The following DTNBP1 variants were observed in gnomAD, a reference collection of about 807,000 sequenced individuals.
The protein encoded by DTNBP1 is dysbindin.
DTNBP1 carries 35 observed loss-of-function variants against 42.8 expected under a neutral mutation model. The ratio of observed to expected loss-of-function variants is 0.82; its 90% CI spans 0.63 to 1.09. The LOEUF (loss-of-function observed/expected upper bound fraction) is 1.09, where lower values mean the gene tolerates loss of function less well. Ranked by LOEUF, DTNBP1 falls within the 50% of genes least tolerant of loss-of-function variation. DTNBP1 has a pLI of 0.00. For synonymous variants in DTNBP1, 171 were observed against 162.2 expected, an observed-to-expected ratio of 1.05 and a Z score of -0.41; for missense variants, 457 against 424.2, an observed-to-expected ratio of 1.08 and a Z score of -0.68.
At chr6:15,590,154 G>A (rs73371544) in intron 7 of DTNBP1, among the ~76,000 whole-genome samples, 3,668 of 152,212 alleles carry the variant, frequency 0.024, 156 homozygotes, top group African/African-American at 0.083. Context: ...GGTTGTTCTC[G>A]AATGCCTGAC....
chr6:15,558,667 C>G (rs1774662855), intron 7 of DTNBP1, among the ~76,000 whole-genome samples: 1 of 152,134 alleles, frequency 6.6e-6, no homozygotes, highest in Non-Finnish European at 1.5e-5. Flanking sequence ...CTAATGTATT[C>G]ATAAATATTG....
chr6:15,661,307 T>C (rs1002879599), intron 1 of DTNBP1, among the ~76,000 whole-genome samples: 2 of 129,130 alleles, frequency 1.5e-5, no homozygotes, highest in Non-Finnish European at 3.1e-5. Context: ...CGAGCTATAA[T>C]AGCGCCACTG....
At chr6:15,652,691 G>A (rs972391635) in intron 1 of DTNBP1, among the ~76,000 whole-genome samples, 8 of 152,098 alleles carry the variant, frequency 5.3e-5, no homozygotes, top group Admixed American at 1.3e-4. Context: ...ATAGTGGTGC[G>A]ATTGTAGCTT....
At chr6:15,536,861 G>A (rs1405490221) in intron 7 of DTNBP1, among the ~76,000 whole-genome samples, 1 of 152,218 alleles carries the variant, frequency 6.6e-6, no homozygotes, top group East Asian at 1.9e-4. Context: ...CAAGGCCATG[G>A]GAGCCACCCC....
intron 8 of DTNBP1, among the ~76,000 whole-genome samples, chr6:15,527,849 A>G (rs1022373075): frequency 6.6e-6 from 1 of 152,254 alleles, no homozygotes; most frequent in Admixed American, 6.5e-5. Context: ...TTATGCTGAC[A>G]TATCTGACAA....
At chr6:15,643,478 G>C (rs969508609) in intron 3 of DTNBP1, among the ~76,000 whole-genome samples, 1 of 151,846 alleles carries the variant, frequency 6.6e-6, no homozygotes, top group Non-Finnish European at 1.5e-5. Context: ...TGACATCCCC[G>C]AGACAAACAG....
intron 7 of DTNBP1, among the ~76,000 whole-genome samples, chr6:15,556,306 T>G (rs563872992): frequency 6.6e-6 from 1 of 151,978 alleles, no homozygotes; most frequent in Non-Finnish European, 1.5e-5. Context: ...CCCAGCCTCC[T>G]GAGTAGCTGG....
At chr6:15,523,307 A>G in intron 9 of DTNBP1, 88 bp from the exon 10 acceptor site, 1 of 1,555,726 alleles carries the variant, frequency 6.4e-7, no homozygotes, top group Non-Finnish European at 8.8e-7. Flanking sequence ...TGTGCCCGTC[A>G]TGAAAGGGGG....
intron 1 of DTNBP1, among the ~76,000 whole-genome samples, chr6:15,662,389 T>C (rs1761695452): frequency 6.6e-6 from 1 of 152,198 alleles, no homozygotes; most frequent in South Asian, 2.1e-4. Flanking sequence ...GGAGGGTGGC[T>C]GGCCCAGCTC....
chr6:15,565,148 A>G (rs1162085689), intron 7 of DTNBP1, among the ~76,000 whole-genome samples: 2 of 152,230 alleles, frequency 1.3e-5, no homozygotes, highest in Non-Finnish European at 2.9e-5. Context: ...CATCACATCT[A>G]CTACAATGGC....
intron 6 of DTNBP1, among the ~76,000 whole-genome samples, chr6:15,613,354 C>T (rs111400795): frequency 1 from 100,078 of 100,094 alleles, 50,032 homozygotes; most frequent in Middle Eastern, 1. Flanking sequence ...TGACACGGAC[C>T]CCATTTTTTT....
At chr6:15,597,846 T>A (rs1049141890) in intron 6 of DTNBP1, among the ~76,000 whole-genome samples, 3 of 152,228 alleles carry the variant, frequency 2.0e-5, no homozygotes, top group African/African-American at 7.2e-5. Flanking sequence ...TAATAAAATA[T>A]AGATTTTATT....
At chr6:15,542,098 A>C (rs1401389132) in intron 7 of DTNBP1, among the ~76,000 whole-genome samples, 1 of 152,224 alleles carries the variant, frequency 6.6e-6, no homozygotes, top group Admixed American at 6.5e-5. Flanking sequence ...TAAACTTTAA[A>C]AACTAACTTC....
At position 15,524,640 on chromosome 6, in the gene DTNBP1, C is replaced by G. The variant is rs554875524; in HGVS notation, c.697G>C (p.Val233Leu). The G allele has an allele frequency of 2.5e-6, 4 of 1,613,694 alleles. No homozygotes were observed. Among genetic ancestry groups the G allele is most frequent in the South Asian group, 1.1e-5 (1 of 91,086 alleles). ...ATCTGCTCCAGCATGTCCACGTTCA[C>G]TTCCATGGATGACATGCTGCCTATG... is the stretch of plus-strand genomic sequence containing the variant. Reference protein sequence around the residue: ...EPIGSMSSMEVNVDMLEQMDL... With the variant: ...EPIGSMSSMELNVDMLEQMDL... The change falls in exon 9 of 10, where the codon GTG becomes CTG. Residue 233 changes from valine (V) to leucine (L), a missense_variant. Coordinates refer to ENST00000344537, the MANE Select transcript of DTNBP1 (RefSeq NM_032122.5).
intron 6 of DTNBP1, among the ~76,000 whole-genome samples, chr6:15,607,120 C>T (rs1758109581): frequency 6.6e-6 from 1 of 150,916 alleles, no homozygotes; most frequent in Non-Finnish European, 1.5e-5. Flanking sequence ...AAGCAATTCT[C>T]CTGCCTTAGC....
rs747792124 is a variant in DTNBP1 at position 15,524,115 on chromosome 6, C to T, written c.811+411G>A. The T allele has an allele frequency of 1.4e-5, 19 of 1,350,924 alleles. No individual in the cohort carries two copies. The South Asian group carries it at 2.3e-4, about 17-fold the overall frequency. 83.7% of individuals were successfully genotyped at this position (1,350,924 alleles called of 1,614,324 possible). On this transcript the variant is annotated intron_variant, in intron 9 of 9. Transcript: ENST00000344537. ...GAGCTGAACACACACCATGGCTTTG[C>T]CCATGGCAGGCACGCCCCTAAATGC...
chr6:15,555,276 G>C (rs1774446875), intron 7 of DTNBP1, among the ~76,000 whole-genome samples: 1 of 151,582 alleles, frequency 6.6e-6, no homozygotes, highest in Admixed American at 6.6e-5. Flanking sequence ...AGGATGTTAA[G>C]AATCTAAAAT....
chr6:15,594,616 C>T (rs1179966524), intron 6 of DTNBP1, among the ~76,000 whole-genome samples: 6 of 152,104 alleles, frequency 3.9e-5, no homozygotes, highest in Non-Finnish European at 7.4e-5. Context: ...TAATAAAAAC[C>T]AGAATACAAC....
chr6:15,532,563 C>T lies in DTNBP1; in HGVS notation c.667+677G>A, dbSNP rs578061698. 2.6e-5 allele frequency among the ~76,000 whole-genome samples: 4 copies of T among 152,132 alleles called. 1 individual carries two copies. The highest frequency in any genetic ancestry group is 2.1e-4 in the South Asian group (1 of 4,828). ...CAGATACCAATTAGATAAGCAGACT[C>T]GACAGAGACTAGAAAGAACACACGA... is the stretch of plus-strand genomic sequence containing the variant. On this transcript the variant is annotated intron_variant, in intron 8 of 9. Transcript: ENST00000344537.
Sources: allele counts gnomAD v4.1 joint callset (sites outside exome capture counted in the v4.1 genomes callset), GRCh38; gene constraint gnomAD v4.1.1; transcripts MANE v1.5; gene names NCBI Gene and HGNC (gene_info 2026-07-23, HGNC 2026-07-21).